INO80D: variants seen among roughly 807,000 people sequenced by gnomAD.
INO80D encodes INO80 complex subunit D.
In INO80D, 21 loss-of-function variants were observed where a neutral mutation model predicts 87.6. That is an observed-to-expected ratio of 0.24 (90% CI 0.17 to 0.35). The LOEUF (loss-of-function observed/expected upper bound fraction) is 0.35, where lower values mean the gene tolerates loss of function less well. Ranked by LOEUF, INO80D falls within the 10% of genes least tolerant of loss-of-function variation. The pLI is 1.00. For synonymous variants in INO80D, 440 were observed against 491.0 expected (o/e 0.90, Z 1.37); for missense variants, 982 against 1,280.7 (o/e 0.77, Z 3.56).
rs1687940331 is a variant in INO80D at position 206,003,456 on chromosome 2, C to T, written c.*912G>A. 2 of 152,188 alleles carry T rather than the reference C, an allele frequency of 1.3e-5. No homozygotes were observed. The allele number at this position is 152,188 out of a possible 1,614,324, so 9.4% of individuals were successfully genotyped here. A position where few individuals can be genotyped will look rare whatever the true frequency, so the allele number is the denominator to read the frequency against. ...ACAAATGTCTGAAAAGACAAAGTGACCATCAGGCCCCAGAACCCCGGCAGC... is the reference window on the plus strand; with the variant it reads ...ACAAATGTCTGAAAAGACAAAGTGATCATCAGGCCCCAGAACCCCGGCAGC... On this transcript the variant is annotated 3_prime_UTR_variant, in exon 11 of 11. Transcript: ENST00000403263.
chr2:206,044,834 T>C (rs372458121), intron 5 of INO80D, among the ~76,000 whole-genome samples: 4 of 152,320 alleles, frequency 2.6e-5, no homozygotes, highest in South Asian at 4.1e-4. Context: ...TAACCCAAAA[T>C]ATCACAAGTC....
chr2:206,028,117 C>T lies in INO80D; in HGVS notation c.1292G>A (p.Arg431Gln), dbSNP rs1422255896. 8 of 1,536,960 alleles carry T rather than the reference C, an allele frequency of 5.2e-6. No individual in the cohort carries two copies. Among genetic ancestry groups the T allele is most frequent in the Non-Finnish European group, 7.0e-6 (8 of 1,136,066 alleles). The change falls in exon 6 of 11, where the codon CGA (arginine) becomes CAA (glutamine). Residue 431 changes from arginine (R) to glutamine (Q), a missense_variant. Transcript: ENST00000403263. ...IQELRRAACS[R>Q]TSISRTKLRE... ...AGGTTGCTGTGGCTCTAACCTGGTT[C>T]GACTGCATGCAGCTCTCCGCAGTTC...
intron 1 of INO80D, among the ~76,000 whole-genome samples, chr2:206,073,714 C>T (rs1461559986): frequency 6.6e-6 from 1 of 151,992 alleles, no homozygotes; most frequent in African/African-American, 2.4e-5. Context: ...GGGGTTTCAC[C>T]GTGTTGCCCA....
chr2:206,059,034 G>A (rs1243359594), intron 3 of INO80D, among the ~76,000 whole-genome samples: 16 of 146,474 alleles, frequency 1.1e-4, no homozygotes, highest in Non-Finnish European at 2.4e-4. Flanking sequence ...AGATCGACCT[G>A]AGCAACATAG....
Position 206,000,328 on chromosome 2 carries a change from G to A in INO80D, c.*4040C>T, listed in dbSNP as rs1687887592. The A allele has an allele frequency of 6.6e-6, 1 of 151,448 alleles. No individual in the cohort carries two copies. 9.4% of individuals were successfully genotyped at this position (151,448 alleles called of 1,614,324 possible). A position where few individuals can be genotyped will look rare whatever the true frequency, so the allele number is the denominator to read the frequency against. ...AGCGACCTTCTGAACTAACCTGGAG[G>A]AGAGGAGATTGCCTTACACGTGCAC... On this transcript the variant is annotated 3_prime_UTR_variant, in exon 11 of 11. Transcript: ENST00000403263.
At chr2:206,080,296 A>G (rs1364409340) in intron 1 of INO80D, among the ~76,000 whole-genome samples, 1 of 152,186 alleles carries the variant, frequency 6.6e-6, no homozygotes, top group Non-Finnish European at 1.5e-5. Flanking sequence ...AAACCATGCA[A>G]CACTACCGTC....
rs781503649 is a variant in INO80D, at chr2:206,005,215, G to A, written c.2237C>T (p.Thr746Ile). The A allele has an allele frequency of 1.1e-5, 18 of 1,613,900 alleles. No homozygotes were observed. Among genetic ancestry groups the A allele is most frequent in the Admixed American group, 3.3e-5 (2 of 60,016 alleles). Residue 746 changes from threonine (T) to isoleucine (I), a missense_variant, in exon 11 of 11, where the codon ACA (threonine) becomes ATA (isoleucine). Transcript: ENST00000403263. ...CCCCTGGATCTGCCCTGCCAGGGGT[G>A]TAGGTGGGTTTGACAAGGTAGCAGA... Reference protein sequence around the residue: ...LRSATLSNPPTPLAGQIQGQF... With the variant: ...LRSATLSNPPIPLAGQIQGQF...
intron 8 of INO80D, among the ~76,000 whole-genome samples, chr2:206,015,275 A>G (rs996430519): frequency 3.4e-4 from 52 of 152,300 alleles, no homozygotes; most frequent in African/African-American, 1.2e-3. Flanking sequence ...CCCCAAGACA[A>G]TGGGGAAAAT....
At chr2:206,074,593 A>T (rs1436216793) in intron 1 of INO80D, among the ~76,000 whole-genome samples, 1 of 151,978 alleles carries the variant, frequency 6.6e-6, no homozygotes, top group Non-Finnish European at 1.5e-5. Context: ...CAACCTGTCT[A>T]AAAACAAAAA....
At chr2:206,059,060 G>C (rs1689609293) in intron 3 of INO80D, among the ~76,000 whole-genome samples, 1 of 138,808 alleles carries the variant, frequency 7.2e-6, no homozygotes, top group African/African-American at 2.7e-5. Flanking sequence ...CCCTGTCTCA[G>C]TTAAAAAAAA....
chr2:206,076,323 T>C (rs1690115439), intron 1 of INO80D, among the ~76,000 whole-genome samples: 1 of 152,240 alleles, frequency 6.6e-6, no homozygotes, highest in Non-Finnish European at 1.5e-5. Context: ...AAATCATATT[T>C]AGAGTATCAT....
intron 1 of INO80D, among the ~76,000 whole-genome samples, chr2:206,064,595 C>T (rs942766869): frequency 1.3e-5 from 2 of 152,126 alleles, no homozygotes; most frequent in Non-Finnish European, 2.9e-5. Flanking sequence ...ATCTGTAAAA[C>T]AGGGATAATA....
At chr2:206,046,446 T>G in intron 5 of INO80D, 58 bp downstream of exon 5, 1 of 1,174,792 alleles carries the variant, frequency 8.5e-7, no homozygotes, top group South Asian at 1.2e-5. Context: ...CCAGCCTGGG[T>G]GACAGAGCGA....
chr2:206,048,966 A>G (rs1286069971), intron 4 of INO80D, among the ~76,000 whole-genome samples: 1 of 152,224 alleles, frequency 6.6e-6, no homozygotes, highest in Non-Finnish European at 1.5e-5. Context: ...TGCACAGCCT[A>G]AAGTGTAACA....
chr2:206,017,272 T>C (rs1688344156), intron 8 of INO80D, among the ~76,000 whole-genome samples: 1 of 152,180 alleles, frequency 6.6e-6, no homozygotes, highest in Non-Finnish European at 1.5e-5. Context: ...CTTTAAATGA[T>C]TATATAATTT....
chr2:206,050,489 C>T (rs1376196086), intron 4 of INO80D, among the ~76,000 whole-genome samples: 5 of 75,916 alleles, frequency 6.6e-5, no homozygotes, highest in Non-Finnish European at 9.5e-5. Flanking sequence ...AGGACTCCGT[C>T]TCAAAAGAAA....
At chr2:206,009,279 C>T (rs949696065) in intron 9 of INO80D, among the ~76,000 whole-genome samples, 2 of 152,052 alleles carry the variant, frequency 1.3e-5, no homozygotes, top group Non-Finnish European at 2.9e-5. Flanking sequence ...CTGCACTTGG[C>T]CTGGGAGACA....
Position 205,998,813 on chromosome 2 carries a change from C to A in INO80D, c.*5555G>T, listed in dbSNP as rs2105784723. The stretch of plus-strand genomic sequence containing the variant: ...TTCAATGATGAGTCACCTTTAGTTT[C>A]TTTTAAAACTATTTTCTTATTTTAA... On this transcript the variant is annotated 3_prime_UTR_variant, in exon 11 of 11. Coordinates refer to ENST00000403263, the MANE Select transcript of INO80D (RefSeq NM_017759.5). The A allele has an allele frequency of 6.6e-6, 1 of 152,258 alleles. No homozygotes were observed. Among genetic ancestry groups the A allele is most frequent in the East Asian group, 1.9e-4 (1 of 5,180 alleles). The allele number at this position is 152,258 out of a possible 1,614,324, so 9.4% of individuals were successfully genotyped here. A position where few individuals can be genotyped will look rare whatever the true frequency, so the allele number is the denominator to read the frequency against.
chr2:206,020,248 T>C (rs1303515551), intron 6 of INO80D, among the ~76,000 whole-genome samples: 4 of 152,198 alleles, frequency 2.6e-5, no homozygotes, highest in Non-Finnish European at 5.9e-5. Context: ...CTCAGCCTCA[T>C]TTAAACCCCA....
Sources: gnomAD v4.1 joint callset for allele counts (sites outside exome capture counted in the v4.1 genomes callset) on GRCh38, gnomAD v4.1.1 for gene constraint, MANE v1.5 for transcripts, NCBI Gene and HGNC (gene_info 2026-07-23, HGNC 2026-07-21) for gene names.